Variants in PRR16 observed in about 807,000 individuals in gnomAD.
PRR16 encodes proline rich 16, also known as protein Largen.
PRR16 carries 6 observed loss-of-function variants against 18.2 expected under a neutral mutation model. That is an observed-to-expected ratio of 0.33 (90% CI 0.18 to 0.65). The LOEUF (loss-of-function observed/expected upper bound fraction) is 0.65, where lower values mean the gene tolerates loss of function less well. Ranked by LOEUF, PRR16 falls within the 30% of genes least tolerant of loss-of-function variation. The pLI is 0.74. For missense variants in PRR16, 412 were observed against 376.6 expected, an observed-to-expected ratio of 1.09 and a Z score of -0.78; for synonymous variants, 151 against 147.8, an observed-to-expected ratio of 1.02 and a Z score of -0.16.
At chr5:120,480,298 G>A (rs1337468268) in intron 1 of PRR16, among the ~76,000 whole-genome samples, 1 of 152,134 alleles carries the variant, frequency 6.6e-6, no homozygotes, top group East Asian at 1.9e-4. Context: ...GCTTCCTGAA[G>A]TTACTAATAC....
At chr5:120,729,021 C>A in the PRR16 span, among the ~76,000 whole-genome samples, 5 of 152,198 alleles carry the variant, frequency 3.3e-5, no homozygotes, top group East Asian at 7.7e-4. Context: ...GGAGACTGTT[C>A]CTTCCTTCTG....
chr5:120,711,146 C>A, the PRR16 span, among the ~76,000 whole-genome samples: 1 of 152,068 alleles, frequency 6.6e-6, no homozygotes, highest in Non-Finnish European at 1.5e-5. Context: ...AAATTTTTTC[C>A]CATCTCAAGG....
intron 1 of PRR16, among the ~76,000 whole-genome samples, chr5:120,652,970 T>C (rs1755842218): frequency 1.3e-5 from 2 of 152,062 alleles, no homozygotes; most frequent in African/African-American, 4.8e-5. Flanking sequence ...ATAAAAAGAT[T>C]ATTTAAAATA....
At chr5:120,754,302 A>ATAAATATTATATATAATATT in the PRR16 span, among the ~76,000 whole-genome samples, 1 of 92,722 alleles carries the variant, frequency 1.1e-5, no homozygotes, top group Non-Finnish European at 1.9e-5. Context: ...TATATAATAT[A>ATAAATATTATATATAATATT]TAATATATAA....
At chr5:120,568,940 C>G (rs754885142) in intron 1 of PRR16, among the ~76,000 whole-genome samples, 10 of 152,056 alleles carry the variant, frequency 6.6e-5, no homozygotes, top group Admixed American at 3.3e-4. Flanking sequence ...CACCAGCCAT[C>G]TCTCAAAGCT....
intron 1 of PRR16, among the ~76,000 whole-genome samples, chr5:120,556,283 C>G (rs1752410207): frequency 7.4e-6 from 1 of 135,630 alleles, no homozygotes; most frequent in African/African-American, 2.9e-5. Flanking sequence ...AAACATTAAG[C>G]AATTTACAAA....
At position 120,524,038 on chromosome 5, in the gene PRR16, C is replaced by T. The variant is rs906771122; in HGVS notation, c.159+59393C>T. ...GAGCCAAACTAGAAAGAGAAAACTGCTCAGTTATATAACATTCATTGTTAG... is the reference window on the plus strand; with the variant it reads ...GAGCCAAACTAGAAAGAGAAAACTGTTCAGTTATATAACATTCATTGTTAG... On this transcript the variant is annotated intron_variant, in intron 1 of 1. Coordinates refer to ENST00000407149, the MANE Select transcript of PRR16 (RefSeq NM_001300783.2). Among the ~76,000 whole-genome samples, 24 of 152,154 alleles carry T rather than the reference C, an allele frequency of 1.6e-4. 1 individual carries two copies. The highest frequency in any genetic ancestry group is 1.2e-3 in the Admixed American group (19 of 15,272).
At chr5:120,522,134 G>A (rs71580708) in intron 1 of PRR16, among the ~76,000 whole-genome samples, 3,434 of 152,228 alleles carry the variant, frequency 0.023, 60 homozygotes, top group African/African-American at 0.048. Context: ...ATAAACATAC[G>A]TGTGCATGTG....
chr5:120,751,361 T>C, the PRR16 span, among the ~76,000 whole-genome samples: 1 of 152,164 alleles, frequency 6.6e-6, no homozygotes, highest in Non-Finnish European at 1.5e-5. Flanking sequence ...CTGTTTTCCA[T>C]GGTGACTATA....
chr5:120,644,195 T>G (rs1434668058), intron 1 of PRR16, among the ~76,000 whole-genome samples: 1 of 152,106 alleles, frequency 6.6e-6, no homozygotes, highest in Admixed American at 6.6e-5. Context: ...CATACTGAGA[T>G]TAATTGAGGT....
At chr5:120,765,207 A>C in the PRR16 span, among the ~76,000 whole-genome samples, 2 of 152,070 alleles carry the variant, frequency 1.3e-5, no homozygotes, top group Non-Finnish European at 2.9e-5. Flanking sequence ...TGACCAGAAA[A>C]TAATCTGTGA....
At chr5:120,764,878 C>G in the PRR16 span, among the ~76,000 whole-genome samples, 2 of 152,030 alleles carry the variant, frequency 1.3e-5, no homozygotes, top group South Asian at 2.1e-4. Flanking sequence ...AATTCATTAA[C>G]CTTTCTCATC....
At chr5:120,767,014 A>G in the PRR16 span, among the ~76,000 whole-genome samples, 1 of 151,978 alleles carries the variant, frequency 6.6e-6, no homozygotes, top group Non-Finnish European at 1.5e-5. Context: ...AATCTGATGT[A>G]AAAACACTAA....
intron 1 of PRR16, among the ~76,000 whole-genome samples, chr5:120,599,796 A>T (rs1188222742): frequency 1.3e-5 from 2 of 151,748 alleles, no homozygotes; most frequent in Non-Finnish European, 2.9e-5. Flanking sequence ...GTCTTTCCCC[A>T]TGTATTATTG....
intron 1 of PRR16, among the ~76,000 whole-genome samples, chr5:120,521,837 A>T (rs944249611): frequency 1.3e-5 from 2 of 151,970 alleles, no homozygotes; most frequent in African/African-American, 4.8e-5. Context: ...TTACCCCACC[A>T]TAGGCCCCTG....
chr5:120,573,764 T>G (rs1483029240), intron 1 of PRR16, among the ~76,000 whole-genome samples: 1 of 152,188 alleles, frequency 6.6e-6, no homozygotes, highest in Non-Finnish European at 1.5e-5. Context: ...AAAGAATGTT[T>G]CCTTCAATAA....
At chr5:120,687,968 G>A (rs1209708341), downstream of PRR16, among the ~76,000 whole-genome samples, 1 of 152,206 alleles carries the variant, frequency 6.6e-6, no homozygotes, top group Non-Finnish European at 1.5e-5. Flanking sequence ...ATGAGGACAG[G>A]TTCCTGAAAA....
rs73266174 is a variant in PRR16, at chr5:120,524,342, T to C, written c.159+59697T>C. ...ATGCTAATTGAAATCACGCCTTTCT[T>C]TTTAATTCTTCCTTAGTAAAGATAT... On this transcript the variant is annotated intron_variant, in intron 1 of 1. Coordinates refer to ENST00000407149, the MANE Select transcript of PRR16 (RefSeq NM_001300783.2). Among the ~76,000 whole-genome samples the C allele has an allele frequency of 2.8e-3, 431 of 152,298 alleles. 3 individuals are homozygous for C. Among genetic ancestry groups the C allele is most frequent in the African/African-American group, 9.9e-3 (411 of 41,580 alleles).
intron 1 of PRR16, among the ~76,000 whole-genome samples, chr5:120,538,211 GTTA>G (rs754325963): frequency 1.3e-5 from 2 of 152,152 alleles, no homozygotes; most frequent in African/African-American, 4.8e-5. Context: ...ATACAAGCAA[GTTA>G]TTATTGTTTC....
Sources: allele counts gnomAD v4.1 joint callset (sites outside exome capture counted in the v4.1 genomes callset), GRCh38; gene constraint gnomAD v4.1.1; transcripts MANE v1.5; gene names NCBI Gene and HGNC (gene_info 2026-07-23, HGNC 2026-07-21).